TMEM132B: variants seen among roughly 807,000 people sequenced by gnomAD.
TMEM132B encodes the protein transmembrane protein 132B.
TMEM132B carries 18 observed loss-of-function variants against 90.8 expected under a neutral mutation model. That is an observed-to-expected ratio of 0.20 (90% CI 0.14 to 0.29). TMEM132B has a LOEUF of 0.29. TMEM132B is among the 10% of genes least tolerant of loss of function. The pLI is 1.00. For synonymous variants in TMEM132B, 504 were observed against 523.3 expected (o/e 0.96, Z 0.50); for missense variants, 1,096 against 1,326.8 (o/e 0.83, Z 2.70).
At chr12:125,549,967 T>C (rs1884180891) in intron 4 of TMEM132B, among the ~76,000 whole-genome samples, 1 of 152,228 alleles carries the variant, frequency 6.6e-6, no homozygotes, top group Non-Finnish European at 1.5e-5. Context: ...CTTTGTGGTC[T>C]TGGAGCTGGA....
At chr12:125,615,031 G>T (rs1449496213) in intron 5 of TMEM132B, among the ~76,000 whole-genome samples, 1 of 152,086 alleles carries the variant, frequency 6.6e-6, no homozygotes, top group Admixed American at 6.5e-5. Context: ...CTGATGAGAA[G>T]TCAGCTATTA....
chr12:125,435,590 T>C (rs2136415446), intron 3 of TMEM132B, among the ~76,000 whole-genome samples: 1 of 152,320 alleles, frequency 6.6e-6, no homozygotes, highest in South Asian at 2.1e-4. Flanking sequence ...TTTACCGCAC[T>C]GAACAAAATG....
At chr12:125,363,385 G>A (rs933221144) in intron 2 of TMEM132B, among the ~76,000 whole-genome samples, 1 of 152,128 alleles carries the variant, frequency 6.6e-6, no homozygotes, top group Admixed American at 6.5e-5. Context: ...GAAGCTGCCT[G>A]GATCCAGCCT....
At chr12:125,584,605 C>T (rs1885136555) in intron 5 of TMEM132B, 1 of 152,692 alleles carries the variant, frequency 6.5e-6, no homozygotes, top group Non-Finnish European at 1.5e-5. Flanking sequence ...TGCCACCTAA[C>T]TGAACTTGAA....
chr12:125,314,879 G>C (rs1250127252), intron 1 of TMEM132B, among the ~76,000 whole-genome samples: 1 of 152,234 alleles, frequency 6.6e-6, no homozygotes, highest in East Asian at 1.9e-4. Flanking sequence ...TGCCATGTGG[G>C]AGGTCTGCAG....
chr12:125,501,595 G>A (rs1288614242), intron 3 of TMEM132B, among the ~76,000 whole-genome samples: 3 of 151,334 alleles, frequency 2.0e-5, no homozygotes, highest in Admixed American at 6.6e-5. Context: ...TGTTCTCATT[G>A]TTCAGCTCCC....
At chr12:125,630,145 G>A (rs1886326758) in intron 5 of TMEM132B, among the ~76,000 whole-genome samples, 1 of 152,082 alleles carries the variant, frequency 6.6e-6, no homozygotes, top group Non-Finnish European at 1.5e-5. Context: ...GGAAATACTA[G>A]CCTTGTAAAA....
At chr12:125,642,965 T>C (rs959098608) in intron 5 of TMEM132B, among the ~76,000 whole-genome samples, 3 of 151,492 alleles carry the variant, frequency 2.0e-5, no homozygotes, top group Non-Finnish European at 2.9e-5. Context: ...GGTGGCGAGG[T>C]GGTAATTTAT....
At chr12:125,380,652 C>T (rs952057668) in intron 2 of TMEM132B, among the ~76,000 whole-genome samples, 2 of 152,192 alleles carry the variant, frequency 1.3e-5, no homozygotes, top group African/African-American at 4.8e-5. Context: ...CTTCCTTTTC[C>T]AAGGAGGCTG....
chr12:125,439,929 G>C (rs150199947), intron 3 of TMEM132B, among the ~76,000 whole-genome samples: 111 of 152,300 alleles, frequency 7.3e-4, no homozygotes, highest in African/African-American at 2.6e-3. Context: ...AGATAATCAC[G>C]TGGCTTTTGT....
intron 3 of TMEM132B, among the ~76,000 whole-genome samples, chr12:125,467,633 C>T (rs1881602573): frequency 6.6e-6 from 1 of 152,222 alleles, no homozygotes; most frequent in Admixed American, 6.5e-5. Flanking sequence ...CATAGTTCAA[C>T]ATTTTAAAGT....
intron 3 of TMEM132B, among the ~76,000 whole-genome samples, chr12:125,436,357 G>T (rs1880701586): frequency 6.6e-6 from 1 of 152,088 alleles, no homozygotes; most frequent in Admixed American, 6.6e-5. Flanking sequence ...TTCCTGTTAT[G>T]GAATCGTACC....
In TMEM132B at chr12:125,656,698, A is replaced by G. The variant is rs969617822; in HGVS notation, c.*1988A>G. ...TTATGGGAAGATTCCTCAGTCAGCC[A>G]AAAGCTTTTCAAAGAGTTTGGTGCA... On this transcript the variant is annotated 3_prime_UTR_variant, in exon 9 of 9. Transcript: ENST00000682704. 4 of 152,214 alleles carry G rather than the reference A, an allele frequency of 2.6e-5. No homozygotes were observed. The highest frequency in any genetic ancestry group is 1.3e-4 in the Admixed American group (2 of 15,282). 9.4% of individuals were successfully genotyped at this position (152,214 alleles called of 1,614,324 possible). A position where few individuals can be genotyped will look rare whatever the true frequency, so the allele number is the denominator to read the frequency against.
At chr12:125,304,225 C>T (rs1024436405) in intron 1 of TMEM132B, among the ~76,000 whole-genome samples, 7 of 152,200 alleles carry the variant, frequency 4.6e-5, no homozygotes, top group South Asian at 4.1e-4. Context: ...TGGGGAGCGG[C>T]GGTAAACACA....
chr12:125,458,450 AC>A lies in TMEM132B; in HGVS notation c.1106+42775del, dbSNP rs796854019. Among the ~76,000 whole-genome samples the A allele has an allele frequency of 7.9e-5, 12 of 152,208 alleles. No homozygotes were observed. The highest frequency in any genetic ancestry group is 2.9e-4 in the African/African-American group (12 of 41,544). ...TGTGATTCTAGAGAGAAGGAAACAA[AC>A]CAGGCTGGGACCCCAGGCGACCAGC... On this transcript the variant is annotated intron_variant, in intron 3 of 8. Coordinates refer to ENST00000682704, the MANE Select transcript of TMEM132B (RefSeq NM_001366854.1). The surrounding 1 kb of genome is among the most constrained non-coding windows in gnomAD (Gnocchi z 4.9).
Position 125,650,701 on chromosome 12 carries a change from T to G in TMEM132B, c.1662T>G (p.Asp554Glu), listed in dbSNP as rs1164532689. 1 of 1,608,366 alleles carries G rather than the reference T, an allele frequency of 6.2e-7. No homozygotes were observed. Among genetic ancestry groups the G allele is most frequent in the South Asian group, 1.1e-5 (1 of 91,024 alleles). ...AANRRPTRESDDEDDEEKKGR... is the reference protein window; with the variant it reads ...AANRRPTRESEDEDDEEKKGR... ...GCTCCAGGCCTACCCGGGAAAGCGATGACGAGGACGATGAGGAGAAGAAGG... is the reference window on the plus strand; with the variant it reads ...GCTCCAGGCCTACCCGGGAAAGCGAGGACGAGGACGATGAGGAGAAGAAGG... The change falls in exon 7 of 9, where the codon GAT becomes GAG. Residue 554 changes from aspartate (D) to glutamate (E), a missense_variant. Transcript: ENST00000682704.
chr12:125,402,176 C>A (rs1879338317), intron 2 of TMEM132B, among the ~76,000 whole-genome samples: 1 of 145,840 alleles, frequency 6.9e-6, no homozygotes, highest in Non-Finnish European at 1.5e-5. Context: ...TGTTTACTTA[C>A]TATCTATCTA....
intron 4 of TMEM132B, among the ~76,000 whole-genome samples, chr12:125,580,742 G>A (rs1175164132): frequency 2.0e-5 from 3 of 152,148 alleles, no homozygotes; most frequent in Admixed American, 1.3e-4. Context: ...GGAATTTTCT[G>A]ATGTTTTGAC....
At chr12:125,295,442 C>T (rs1289147718) in intron 1 of TMEM132B, among the ~76,000 whole-genome samples, 2 of 149,960 alleles carry the variant, frequency 1.3e-5, no homozygotes, top group East Asian at 3.9e-4. Context: ...TGGTGGCTTA[C>T]AGGAGAGACT....
Sources: allele counts gnomAD v4.1 joint callset (sites outside exome capture counted in the v4.1 genomes callset), GRCh38; gene constraint gnomAD v4.1.1; non-coding constraint Gnocchi (gnomAD v3.1); transcripts MANE v1.5; gene names NCBI Gene and HGNC (gene_info 2026-07-23, HGNC 2026-07-21).